The following SH3TC2 variants were observed in gnomAD, a reference collection of about 807,000 sequenced individuals.
The protein encoded by SH3TC2 is SH3 domain and tetratricopeptide repeat-containing protein 2.
Under a neutral mutation model 124.5 loss-of-function variants are expected in SH3TC2, and 87 were observed. The observed-to-expected ratio is 0.70, with a 90% CI of 0.59 to 0.84. The LOEUF (loss-of-function observed/expected upper bound fraction) is 0.84, where lower values mean the gene tolerates loss of function less well. Ranked by LOEUF, SH3TC2 falls within the 40% of genes least tolerant of loss-of-function variation. The probability of loss-of-function intolerance (pLI) is 0.00; values close to 1 mark genes in which losing one functional copy is unlikely to be tolerated. For synonymous variants in SH3TC2, 634 were observed against 628.5 expected (o/e 1.01, Z -0.13); for missense variants, 1,536 against 1,566.4 (o/e 0.98, Z 0.33).
In SH3TC2 at chr5:149,003,779, A is replaced by T. The variant is rs886060186; in HGVS notation, c.*932T>A. The T allele has an allele frequency of 2.9e-5, 13 of 442,824 alleles. No homozygotes were observed. Among genetic ancestry groups the T allele is most frequent in the Non-Finnish European group, 3.6e-5 (8 of 223,218 alleles). 27.4% of individuals were successfully genotyped at this position (442,824 alleles called of 1,614,324 possible). A position where few individuals can be genotyped will look rare whatever the true frequency, so the allele number is the denominator to read the frequency against. Reference sequence around the variant, plus strand: ...CACTGGAGGATCACTTGAGCCCCGGAGTCTGAGGTCGCAGGAAGCCCTGAC... The same window carrying T: ...CACTGGAGGATCACTTGAGCCCCGGTGTCTGAGGTCGCAGGAAGCCCTGAC... On this transcript the variant is annotated 3_prime_UTR_variant, in exon 17 of 17. Transcript: ENST00000515425.
At chr5:149,009,182 G>A (rs540786608) in intron 14 of SH3TC2, among the ~76,000 whole-genome samples, 181 bp from the exon 15 acceptor site, 2 of 152,282 alleles carry the variant, frequency 1.3e-5, no homozygotes, top group East Asian at 1.9e-4. Flanking sequence ...CCTTGCTCAT[G>A]ATGTTTTGCC....
At position 149,027,323 on chromosome 5, in the gene SH3TC2, T is replaced by C. The variant is rs1215851505; in HGVS notation, c.2409A>G (p.Ala803=). 1.2e-6 allele frequency: 2 copies of C among 1,614,018 alleles called. No individual in the cohort carries two copies. The highest frequency in any genetic ancestry group is 1.7e-6 in the Non-Finnish European group (2 of 1,180,052). Residue 803 remains alanine, a synonymous_variant, in exon 11 of 17, where the codon GCA becomes GCG. Coordinates refer to ENST00000515425, the MANE Select transcript of SH3TC2 (RefSeq NM_024577.4). ...CCTGGCTGGCTAAGAGATAGGCCCATGCCAGGCAGAGAGAAGACTCAAAGG... is the reference window on the plus strand; with the variant it reads ...CCTGGCTGGCTAAGAGATAGGCCCACGCCAGGCAGAGAGAAGACTCAAAGG... ...QESFESSLCL[A]WAYLLASQAK...
intron 1 of SH3TC2, among the ~76,000 whole-genome samples, chr5:149,057,090 AG>A (rs1754661425): frequency 6.6e-6 from 1 of 152,196 alleles, no homozygotes. Context: ...GAAAAATAAA[AG>A]TTTTGTATGT....
rs370361889 is a variant in SH3TC2 at position 148,994,734 on chromosome 5, GGATGAATA to G, written c.*9969_*9976del. Among the ~76,000 whole-genome samples the G allele has an allele frequency of 1.1e-3, 160 of 142,962 alleles. 2 individuals carry two copies. The highest frequency in any genetic ancestry group is 4.0e-3 in the African/African-American group (149 of 37,054). 93.8% of individuals were successfully genotyped at this position (142,962 alleles called of 152,430 possible). The stretch of plus-strand genomic sequence containing the variant: ...TGGATGGATGGATGGATGGATGGAT[GGATGAATA>G]GATGGATGAATAGATGGATGAATAG... On this transcript the variant is annotated 3_prime_UTR_variant, in exon 17 of 17. Transcript: ENST00000515425.
intron 12 of SH3TC2, among the ~76,000 whole-genome samples, chr5:149,013,752 A>G (rs1753823253): frequency 6.6e-6 from 1 of 152,194 alleles, no homozygotes; most frequent in South Asian, 2.1e-4. Context: ...ATTTTCTCAC[A>G]GACGATTCAG....
In SH3TC2 at chr5:148,992,074, T is replaced by C. The variant is rs536941130; in HGVS notation, c.*12637A>G. Among the ~76,000 whole-genome samples, 66 of 152,344 alleles carry C rather than the reference T, an allele frequency of 4.3e-4. No individual in the cohort carries two copies. In the South Asian group the frequency reaches 0.013, roughly 31 times the overall value. On this transcript the variant is annotated 3_prime_UTR_variant, in exon 17 of 17. Coordinates refer to ENST00000515425, the MANE Select transcript of SH3TC2 (RefSeq NM_024577.4). ...CCACCAGCTGCCACTTTGTATGACATAAAATTATCAGAACATGAATTCAAT... is the reference window on the plus strand; with the variant it reads ...CCACCAGCTGCCACTTTGTATGACACAAAATTATCAGAACATGAATTCAAT...
intron 12 of SH3TC2, among the ~76,000 whole-genome samples, chr5:149,019,857 G>A (rs1446436203): frequency 6.6e-6 from 1 of 152,090 alleles, no homozygotes; most frequent in East Asian, 1.9e-4. Context: ...CAGCAACCTA[G>A]CAACCACTGA....
intron 9 of SH3TC2, among the ~76,000 whole-genome samples, chr5:149,030,592 CT>C (rs1293332928): frequency 6.6e-6 from 1 of 152,240 alleles, no homozygotes; most frequent in Non-Finnish European, 1.5e-5. Context: ...ATATGATCTG[CT>C]TGTGGCTTGT....
intron 12 of SH3TC2, among the ~76,000 whole-genome samples, chr5:149,022,175 A>G (rs1318729168): frequency 6.6e-6 from 1 of 152,166 alleles, no homozygotes; most frequent in Non-Finnish European, 1.5e-5. Context: ...CAGAATATAT[A>G]AAGAATGTTT....
In SH3TC2 at chr5:148,988,502, T is replaced by C. The variant is rs75958253; in HGVS notation, c.*16209A>G. 2.0e-3 allele frequency among the ~76,000 whole-genome samples: 307 copies of C among 152,300 alleles called. 2 individuals carry two copies. The highest frequency in any genetic ancestry group is 7.1e-3 in the African/African-American group (295 of 41,570). On this transcript the variant is annotated 3_prime_UTR_variant, in exon 17 of 17. Transcript: ENST00000515425. ...TTTAATCTCCTGGAATGCTAGCTCT[T>C]GGAATGCACTCTCTTGGAACCAGCC...
rs150370276 is a variant in SH3TC2 at position 148,987,088 on chromosome 5, A to C, written c.*17623T>G. On this transcript the variant is annotated 3_prime_UTR_variant, in exon 17 of 17. Coordinates refer to ENST00000515425, the MANE Select transcript of SH3TC2 (RefSeq NM_024577.4). ...TCTAATCTGAAATTCTTTATTTTAGATCCATTCCAAAATCATCTTATTAGT... is the reference window on the plus strand; with the variant it reads ...TCTAATCTGAAATTCTTTATTTTAGCTCCATTCCAAAATCATCTTATTAGT... 9.8e-5 allele frequency among the ~76,000 whole-genome samples: 15 copies of C among 152,318 alleles called. No homozygotes were observed. In the East Asian group the frequency reaches 2.9e-3, roughly 29 times the overall value.
rs113275039 is a variant in SH3TC2 at position 149,026,585 on chromosome 5, G to A, written c.3040C>T (p.Leu1014=). The change falls in exon 12 of 17, where the codon CTA becomes TTA. Residue 1014 remains leucine, a synonymous_variant. Coordinates refer to ENST00000515425, the MANE Select transcript of SH3TC2 (RefSeq NM_024577.4). ...ACCCTGACTCACCTGGCGGTATTTAGGTTCCGATAAAGCTGCCCCAGGGAC... is the reference window on the plus strand; with the variant it reads ...ACCCTGACTCACCTGGCGGTATTTAAGTTCCGATAAAGCTGCCCCAGGGAC... ...LESLGQLYRN[L]NTARSLRRSL... is the part of the protein sequence containing the mutation. 1 of 1,614,104 alleles carries A rather than the reference G, an allele frequency of 6.2e-7. No individual in the cohort carries two copies. Among genetic ancestry groups the A allele is most frequent in the African/African-American group, 1.3e-5 (1 of 75,064 alleles).
At chr5:149,028,602 G>A (rs565816930) in intron 10 of SH3TC2, 48 bp from the exon 11 acceptor site, 41 of 1,614,084 alleles carry the variant, frequency 2.5e-5, no homozygotes, top group Non-Finnish European at 3.3e-5. Flanking sequence ...TGCACCTAAG[G>A]TGGCCGCTCT....
rs763949764 is a variant in SH3TC2, at chr5:149,038,367, C to T, written c.929G>A (p.Gly310Glu). Residue 310 changes from glycine to glutamate, a missense_variant, in exon 8 of 17, where the codon GGA (glycine) becomes GAA (glutamate). Coordinates refer to ENST00000515425, the MANE Select transcript of SH3TC2 (RefSeq NM_024577.4). ...FVIPGLQWFI[G>E]KSTSSGQVGF... ...CACTTGTCCTGAACTTGTCGACTTT[C>T]CAATGAACCACTGAAGCCCAGGTAT... 10 of 1,614,094 alleles carry T rather than the reference C, an allele frequency of 6.2e-6. No individual in the cohort carries two copies. In the Admixed American group the frequency reaches 6.7e-5, roughly 11 times the overall value.
chr5:149,028,552 A>T lies in SH3TC2; in HGVS notation c.1180T>A (p.Ser394Thr), dbSNP rs1440080746. The part of the protein sequence containing the change: ...IQNPPNDLSA[S>T]QPEGFKEVRP... The stretch of plus-strand genomic sequence containing the variant: ...ACCTCCTTGAAACCTTCAGGCTGGG[A>T]TGCTGTAAGGACAGGCAAAGTTGAG... The change falls in exon 11 of 17, where the codon TCC becomes ACC. Residue 394 changes from serine to threonine, a missense_variant and splice_region_variant. By Grantham distance (58) the Ser-to-Thr change is moderately conservative. Coordinates refer to ENST00000515425, the MANE Select transcript of SH3TC2 (RefSeq NM_024577.4). 1.2e-6 allele frequency: 2 copies of T among 1,614,142 alleles called. No individual in the cohort carries two copies. The highest frequency in any genetic ancestry group is 2.2e-5 in the East Asian group (1 of 44,866).
intron 1 of SH3TC2, among the ~76,000 whole-genome samples, 174 bp downstream of exon 1, chr5:149,062,797 T>C (rs1482183743): frequency 6.6e-6 from 1 of 152,192 alleles, no homozygotes; most frequent in Admixed American, 6.5e-5. Flanking sequence ...TGCTCCCTTT[T>C]TACAGAGCCA....
At position 148,997,567 on chromosome 5, in the gene SH3TC2, T is replaced by C. The variant is rs1310148506; in HGVS notation, c.*7144A>G. 6.6e-6 allele frequency among the ~76,000 whole-genome samples: 1 copy of C among 152,312 alleles called. No individual in the cohort carries two copies. The highest frequency in any genetic ancestry group is 1.5e-5 in the Non-Finnish European group (1 of 68,018). On this transcript the variant is annotated 3_prime_UTR_variant, in exon 17 of 17. Transcript: ENST00000515425. Reference sequence around the variant, plus strand: ...GATTGATTCAATTACACCAGAATGATTGTGTTGATTTCAGCCCAGTATTTC... The same window carrying C: ...GATTGATTCAATTACACCAGAATGACTGTGTTGATTTCAGCCCAGTATTTC...
chr5:149,019,123 A>T (rs118026130), intron 12 of SH3TC2, among the ~76,000 whole-genome samples: 5,009 of 152,296 alleles, frequency 0.033, 322 homozygotes, highest in Admixed American at 0.16. Context: ...CAGGAAAAAA[A>T]TTGCTCCAAC....
At chr5:149,042,643 G>T (rs932295300) in intron 5 of SH3TC2, 51 bp downstream of exon 5, 1 of 1,610,022 alleles carries the variant, frequency 6.2e-7, no homozygotes, top group African/African-American at 1.3e-5. Context: ...CATGGCCTCT[G>T]GTAGCAAATA....
Sources: allele counts gnomAD v4.1 joint callset (sites outside exome capture counted in the v4.1 genomes callset), GRCh38; gene constraint gnomAD v4.1.1; transcripts MANE v1.5; gene names NCBI Gene and HGNC (gene_info 2026-07-23, HGNC 2026-07-21).